Variants in LINGO2 observed in about 807,000 individuals in gnomAD.
The protein encoded by LINGO2 is leucine rich repeat and Ig domain containing 2.
Under a neutral mutation model 30.6 loss-of-function variants are expected in LINGO2, and 14 were observed. The observed-to-expected ratio is 0.46, with a 90% CI of 0.30 to 0.72. The LOEUF (loss-of-function observed/expected upper bound fraction) is 0.72. LINGO2 is among the 30% of genes least tolerant of loss of function. The pLI, the probability that LINGO2 is intolerant of heterozygous loss-of-function variation, is 0.07. For missense variants in LINGO2, 729 were observed against 751.7 expected (o/e 0.97, Z 0.35); for synonymous variants, 317 against 288.5 (o/e 1.10, Z -1.00).
At chr9:29,185,297 AAGT>A in the LINGO2 span, among the ~76,000 whole-genome samples, 1 of 152,178 alleles carries the variant, frequency 6.6e-6, no homozygotes, top group Non-Finnish European at 1.5e-5. Flanking sequence ...GGAACAAAGT[AAGT>A]CTCAAGGGGT....
chr9:28,260,091 A>T (rs189205104), intron 4 of LINGO2, among the ~76,000 whole-genome samples: 1 of 151,952 alleles, frequency 6.6e-6, no homozygotes, highest in Admixed American at 6.6e-5. Context: ...GATGGAATGG[A>T]CCTGACTTGA....
At chr9:28,393,220 G>C (rs1482981765) in intron 2 of LINGO2, among the ~76,000 whole-genome samples, 1 of 152,212 alleles carries the variant, frequency 6.6e-6, no homozygotes. Flanking sequence ...CTGGGGGCAG[G>C]AACAGCAGTG....
At chr9:28,986,267 T>G in the LINGO2 span, among the ~76,000 whole-genome samples, 1 of 152,168 alleles carries the variant, frequency 6.6e-6, no homozygotes, top group African/African-American at 2.4e-5. Flanking sequence ...CCATGTTATT[T>G]TAATTACTAT....
the LINGO2 span, among the ~76,000 whole-genome samples, chr9:28,927,847 A>T: frequency 6.6e-6 from 1 of 152,210 alleles, no homozygotes; most frequent in African/African-American, 2.4e-5. Context: ...ACTGACATTC[A>T]TTGAAGTTAA....
At chr9:28,308,838 C>T (rs1390365788) in intron 3 of LINGO2, among the ~76,000 whole-genome samples, 2 of 152,092 alleles carry the variant, frequency 1.3e-5, no homozygotes, top group African/African-American at 4.8e-5. Flanking sequence ...AAAATGCTCA[C>T]CATCACTGGC....
intron 2 of LINGO2, among the ~76,000 whole-genome samples, chr9:28,472,186 C>G (rs568656965): frequency 6.6e-6 from 1 of 152,144 alleles, no homozygotes; most frequent in African/African-American, 2.4e-5. Context: ...GATTTGTGCA[C>G]TGTTCTCATG....
chr9:27,954,294 G>A (rs919102908), intron 5 of LINGO2, among the ~76,000 whole-genome samples: 2 of 152,050 alleles, frequency 1.3e-5, no homozygotes, highest in Admixed American at 6.6e-5. Context: ...GATTCCTTCT[G>A]TCTAACTGTA....
intron 4 of LINGO2, among the ~76,000 whole-genome samples, chr9:28,165,064 C>T (rs1253641524): frequency 6.6e-6 from 1 of 152,178 alleles, no homozygotes; most frequent in Non-Finnish European, 1.5e-5. Flanking sequence ...TTAGACTGTT[C>T]TTCCTGCCAA....
chr9:28,019,562 G>T (rs1351312617), intron 4 of LINGO2, among the ~76,000 whole-genome samples: 2 of 152,128 alleles, frequency 1.3e-5, no homozygotes, highest in South Asian at 2.1e-4. Context: ...GCTCATATTT[G>T]CTATGAGTAA....
intron 4 of LINGO2, among the ~76,000 whole-genome samples, chr9:28,261,261 A>T (rs865854069): frequency 2.1e-4 from 32 of 152,130 alleles, no homozygotes; most frequent in Middle Eastern, 6.8e-3. Context: ...GAATTAAAAA[A>T]TATCTAAATT....
chr9:28,360,730 C>T (rs1416229669), intron 3 of LINGO2, among the ~76,000 whole-genome samples: 1 of 152,040 alleles, frequency 6.6e-6, no homozygotes, highest in Non-Finnish European at 1.5e-5. Flanking sequence ...AACCATATTC[C>T]TTTTCATATA....
chr9:29,024,299 A>G, the LINGO2 span, among the ~76,000 whole-genome samples: 20 of 152,266 alleles, frequency 1.3e-4, no homozygotes, highest in South Asian at 3.9e-3. Flanking sequence ...ACAAAATGTA[A>G]TGGCTACCTG....
the LINGO2 span, among the ~76,000 whole-genome samples, chr9:28,736,746 C>T: frequency 6.6e-6 from 1 of 152,182 alleles, no homozygotes; most frequent in South Asian, 2.1e-4. Context: ...GAGCCGAGAT[C>T]ACCACTGCAC....
At chr9:29,118,784 C>T in the LINGO2 span, among the ~76,000 whole-genome samples, 1 of 152,166 alleles carries the variant, frequency 6.6e-6, no homozygotes, top group African/African-American at 2.4e-5. Context: ...CAGGTCCCAA[C>T]TGTGGATCCT....
At chr9:28,033,212 T>G (rs1823766989) in intron 4 of LINGO2, among the ~76,000 whole-genome samples, 1 of 152,180 alleles carries the variant, frequency 6.6e-6, no homozygotes, top group African/African-American at 2.4e-5. Context: ...ACTAAATAGG[T>G]GTGCATGAAT....
At chr9:28,055,956 A>C (rs938926505) in intron 4 of LINGO2, among the ~76,000 whole-genome samples, 4 of 152,322 alleles carry the variant, frequency 2.6e-5, no homozygotes, top group Admixed American at 2.6e-4. Flanking sequence ...ATCTATCATT[A>C]CAACAGTTAC....
the LINGO2 span, among the ~76,000 whole-genome samples, chr9:28,889,982 A>G: frequency 2.6e-4 from 39 of 152,220 alleles, no homozygotes; most frequent in African/African-American, 8.9e-4. Flanking sequence ...TGTATAGGCA[A>G]TTATGCCTGT....
chr9:28,857,697 T>A, the LINGO2 span, among the ~76,000 whole-genome samples: 1 of 152,212 alleles, frequency 6.6e-6, no homozygotes. Context: ...TGAAATATGG[T>A]TAGTCCAAAC....
chr9:27,990,361 G>A (rs1821332837), intron 5 of LINGO2, among the ~76,000 whole-genome samples: 1 of 151,680 alleles, frequency 6.6e-6, no homozygotes, highest in African/African-American at 2.4e-5. Flanking sequence ...AACAGATAGA[G>A]GATAGACACA....
Sources: allele counts gnomAD v4.1 joint callset (sites outside exome capture counted in the v4.1 genomes callset), GRCh38; gene constraint gnomAD v4.1.1; transcripts MANE v1.5; gene names NCBI Gene and HGNC (gene_info 2026-07-23, HGNC 2026-07-21).